CSMD3: variants seen among roughly 807,000 people sequenced by gnomAD.
CSMD3 encodes the protein CUB and sushi domain-containing protein 3.
Under a neutral mutation model 435.2 loss-of-function variants are expected in CSMD3, and 177 were observed. That is an observed-to-expected ratio of 0.41 (90% CI 0.36 to 0.46). The LOEUF is 0.46. CSMD3 is among the 20% of genes least tolerant of loss of function. The pLI is 0.34. For missense variants in CSMD3, 4,265 were observed against 4,504.6 expected (o/e 0.95, Z 1.52); for synonymous variants, 1,656 against 1,520.5 (o/e 1.09, Z -2.07).
chr8:112,251,060 A>G (rs1430821962), intron 63 of CSMD3, among the ~76,000 whole-genome samples: 1 of 151,724 alleles, frequency 6.6e-6, no homozygotes, highest in Admixed American at 6.6e-5. Flanking sequence ...TTCATGGCAA[A>G]TAACACTTGG....
intron 20 of CSMD3, among the ~76,000 whole-genome samples, chr8:112,642,835 TA>T (rs1350120904): frequency 1.9e-4 from 29 of 152,292 alleles, no homozygotes; most frequent in Admixed American, 1.8e-3. Flanking sequence ...TATCAATTAG[TA>T]TTATAACATG....
chr8:112,287,750 T>C (rs1586660232), intron 57 of CSMD3, among the ~76,000 whole-genome samples: 1 of 152,252 alleles, frequency 6.6e-6, no homozygotes, highest in East Asian at 1.9e-4. Flanking sequence ...TAGGTTTCTC[T>C]CTCTTATTTT....
At chr8:112,927,069 C>T (rs2082934884) in intron 9 of CSMD3, among the ~76,000 whole-genome samples, 1 of 151,984 alleles carries the variant, frequency 6.6e-6, no homozygotes, top group Non-Finnish European at 1.5e-5. Context: ...ATAACTATTA[C>T]CAAAATGACC....
intron 3 of CSMD3, among the ~76,000 whole-genome samples, chr8:113,265,173 G>C (rs2093459164): frequency 6.6e-6 from 1 of 151,564 alleles, no homozygotes; most frequent in East Asian, 1.9e-4. Flanking sequence ...GGACACATCT[G>C]AGCATAGAGA....
chr8:113,173,937 G>A (rs756035430), intron 3 of CSMD3, 21 bp from the exon 4 acceptor site: 2 of 1,566,850 alleles, frequency 1.3e-6, no homozygotes, highest in South Asian at 1.1e-5. Flanking sequence ...GGAGGAAAAG[G>A]AGAGTTTACA....
chr8:112,495,746 T>C (rs1441833866), intron 30 of CSMD3, among the ~76,000 whole-genome samples: 1 of 152,104 alleles, frequency 6.6e-6, no homozygotes, highest in Admixed American at 6.5e-5. Flanking sequence ...TATGCATAAT[T>C]AATTTTTTCT....
chr8:112,539,937 T>C (rs1415820702), intron 27 of CSMD3, among the ~76,000 whole-genome samples: 1 of 151,668 alleles, frequency 6.6e-6, no homozygotes, highest in Admixed American at 6.6e-5. Flanking sequence ...TAAAGCAAAG[T>C]AAACAATCAA....
chr8:112,916,783 T>C (rs2082584870), intron 10 of CSMD3, among the ~76,000 whole-genome samples: 1 of 151,950 alleles, frequency 6.6e-6, no homozygotes, highest in Non-Finnish European at 1.5e-5. Context: ...CTTCTCAAAC[T>C]GTTGGTTACA....
intron 22 of CSMD3, among the ~76,000 whole-genome samples, chr8:112,628,620 A>T (rs1834690244): frequency 6.6e-6 from 1 of 152,176 alleles, no homozygotes; most frequent in Admixed American, 6.5e-5. Context: ...TGTGGAAGTA[A>T]AGGAGTTTTG....
chr8:112,841,764 A>T (rs1564014613), intron 11 of CSMD3, among the ~76,000 whole-genome samples: 1 of 151,546 alleles, frequency 6.6e-6, no homozygotes, highest in African/African-American at 2.4e-5. Flanking sequence ...GACACTGAAG[A>T]GGTCTTAGCA....
chr8:113,322,785 G>A (rs747097503), intron 1 of CSMD3, among the ~76,000 whole-genome samples: 6 of 151,920 alleles, frequency 3.9e-5, no homozygotes, highest in Non-Finnish European at 5.9e-5. Flanking sequence ...CTCGCTTTGT[G>A]CCCAGACTGG....
chr8:112,550,971 C>T (rs550904863), intron 26 of CSMD3, 98 bp from the exon 27 acceptor site: 244 of 809,350 alleles, frequency 3.0e-4, no homozygotes, highest in Non-Finnish European at 1.3e-4. Context: ...CTAGATAGTT[C>T]TTTTTTGCTA....
At chr8:112,758,315 G>T (rs769224886) in intron 13 of CSMD3, among the ~76,000 whole-genome samples, 1 of 149,968 alleles carries the variant, frequency 6.7e-6, no homozygotes, top group Admixed American at 6.7e-5. Context: ...TCGCGCCACT[G>T]TACTCCAGCC....
At chr8:113,085,572 A>T (rs1299884731) in intron 5 of CSMD3, among the ~76,000 whole-genome samples, 3 of 152,188 alleles carry the variant, frequency 2.0e-5, no homozygotes, top group Non-Finnish European at 2.9e-5. Context: ...GGTGGTATAT[A>T]TGCACAATGG....
intron 30 of CSMD3, among the ~76,000 whole-genome samples, chr8:112,497,022 G>C (rs1408270086): frequency 6.6e-6 from 1 of 152,066 alleles, no homozygotes; most frequent in Non-Finnish European, 1.5e-5. Context: ...CCTCGTGTCA[G>C]TTATTACACA....
intron 1 of CSMD3, among the ~76,000 whole-genome samples, chr8:113,336,852 G>A (rs1037477041): frequency 3.3e-5 from 5 of 152,118 alleles, no homozygotes; most frequent in Admixed American, 2.0e-4. Context: ...CAGCAGAGAT[G>A]AGTATTCTAG....
At chr8:113,381,505 C>T (rs984614698) in intron 1 of CSMD3, among the ~76,000 whole-genome samples, 1 of 151,256 alleles carries the variant, frequency 6.6e-6, no homozygotes, top group Non-Finnish European at 1.5e-5. Context: ...AAAGCTTAAA[C>T]TTCATTAGAA....
chr8:112,634,735 T>A (rs1166748136), intron 22 of CSMD3, among the ~76,000 whole-genome samples: 3 of 152,020 alleles, frequency 2.0e-5, no homozygotes, highest in African/African-American at 7.2e-5. Context: ...ATTTTTTAAA[T>A]GTACATGTAA....
At chr8:112,931,773 A>T (rs1379380301) in intron 9 of CSMD3, among the ~76,000 whole-genome samples, 1 of 152,206 alleles carries the variant, frequency 6.6e-6, no homozygotes, top group African/African-American at 2.4e-5. Context: ...TAATCCCATA[A>T]AAGTGGACAA....
Sources: allele counts gnomAD v4.1 joint callset (sites outside exome capture counted in the v4.1 genomes callset), GRCh38; gene constraint gnomAD v4.1.1; transcripts MANE v1.5; gene names NCBI Gene and HGNC (gene_info 2026-07-23, HGNC 2026-07-21).